The following ARHGEF3 variants were observed in gnomAD, a reference collection of about 807,000 sequenced individuals.
ARHGEF3 encodes Rho guanine nucleotide exchange factor 3.
In ARHGEF3, 28 loss-of-function variants were observed where a neutral mutation model predicts 63.2. That is an observed-to-expected ratio of 0.44 (90% confidence interval 0.33 to 0.61). The LOEUF (loss-of-function observed/expected upper bound fraction) is 0.61. ARHGEF3 is among the 20% of genes least tolerant of loss of function. ARHGEF3 has a pLI of 0.03. For synonymous variants in ARHGEF3, 266 were observed against 254.2 expected (o/e 1.05, Z -0.44); for missense variants, 533 against 659.3 (o/e 0.81, Z 2.10).
chr3:57,034,965 CT>C, intron 2 of ARHGEF3: 1 of 774,802 alleles, frequency 1.3e-6, no homozygotes, highest in South Asian at 2.1e-5. Flanking sequence ...CTAGCACTAT[CT>C]CCAAATTCTT....
At chr3:56,852,028 T>C (rs1422071374) in intron 4 of ARHGEF3, among the ~76,000 whole-genome samples, 2 of 152,224 alleles carry the variant, frequency 1.3e-5, no homozygotes, top group Non-Finnish European at 2.9e-5. Context: ...ATTTGGCCCT[T>C]GGAGCCTCTG....
intron 1 of ARHGEF3, chr3:56,774,997 T>TA: frequency 1.3e-6 from 2 of 1,519,336 alleles, no homozygotes; most frequent in Non-Finnish European, 1.8e-6. Flanking sequence ...AGAGAAGAGT[T>TA]ACCCTTGTCC....
chr3:56,916,932 T>G (rs114144397), intron 3 of ARHGEF3, among the ~76,000 whole-genome samples: 7 of 152,214 alleles, frequency 4.6e-5, no homozygotes, highest in Admixed American at 4.6e-4. Flanking sequence ...TATGCAAACC[T>G]GGCATCTTCT....
At chr3:56,858,471 C>T (rs924832894) in intron 4 of ARHGEF3, among the ~76,000 whole-genome samples, 8 of 152,154 alleles carry the variant, frequency 5.3e-5, no homozygotes, top group Non-Finnish European at 1.0e-4. Context: ...CCTACCAGTG[C>T]CTGCCAAGAT....
At position 56,739,044 on chromosome 3, in the gene ARHGEF3, G is replaced by A. The variant is rs542186149; in HGVS notation, c.871-1689C>T. Reference sequence around the variant, plus strand: ...TGGGAGGCAGAGGTTGCAGTGAGCCGAGATCACGCCACCGCACTTCAGCCT... The same window carrying A: ...TGGGAGGCAGAGGTTGCAGTGAGCCAAGATCACGCCACCGCACTTCAGCCT... On this transcript the variant is annotated intron_variant, in intron 7 of 9. Coordinates refer to ENST00000296315, the MANE Select transcript of ARHGEF3 (RefSeq NM_019555.3). Among the ~76,000 whole-genome samples the A allele has an allele frequency of 9.2e-5, 14 of 152,174 alleles. No individual in the cohort carries two copies. The South Asian group carries it at 1.7e-3, about 18-fold the overall frequency.
rs565350568 is a variant in ARHGEF3, at chr3:56,885,256, G to A, written c.130-2902C>T. Among the ~76,000 whole-genome samples the A allele has an allele frequency of 7.2e-5, 11 of 152,268 alleles. No homozygotes were observed. The South Asian group carries it at 2.3e-3, about 32-fold the overall frequency. ...CAGTATTATACCTGAGATCTTGGGA[G>A]GTATCAGGAGGAGGTTGAGACTCTG... On this transcript the variant is annotated intron_variant, in intron 3 of 12. Transcript: ENST00000338458.
intron 2 of ARHGEF3, among the ~76,000 whole-genome samples, chr3:56,970,863 G>A (rs1700879668): frequency 6.6e-6 from 1 of 152,318 alleles, no homozygotes; most frequent in African/African-American, 2.4e-5. Flanking sequence ...CCTGTGTAGC[G>A]CTGGACAAGT....
chr3:57,011,057 C>A (rs899068385), intron 2 of ARHGEF3, among the ~76,000 whole-genome samples: 1 of 152,164 alleles, frequency 6.6e-6, no homozygotes, highest in East Asian at 1.9e-4. Flanking sequence ...TGCTCCCGCC[C>A]GCTTCCATAG....
At chr3:56,933,279 G>C (rs183228955) in intron 3 of ARHGEF3, among the ~76,000 whole-genome samples, 3 of 152,176 alleles carry the variant, frequency 2.0e-5, no homozygotes, top group Admixed American at 1.3e-4. Context: ...TATGCAGCAG[G>C]AATGTCTTTT....
At chr3:57,050,382 T>C (rs961763549) in intron 1 of ARHGEF3, among the ~76,000 whole-genome samples, 9 of 152,266 alleles carry the variant, frequency 5.9e-5, no homozygotes, top group East Asian at 1.9e-4. Context: ...TAAATTGGGT[T>C]TCCTGCTTCC....
rs116174562 is a variant in ARHGEF3 at position 56,839,349 on chromosome 3, A to G, written c.192+42943T>C. On this transcript the variant is annotated intron_variant, in intron 4 of 12. Transcript: ENST00000338458. Reference sequence around the variant, plus strand: ...GTTTTGGGTTTTTTTGAATTTTTTTATTTTCATTTTATTTTATTTTACACT... The same window carrying G: ...GTTTTGGGTTTTTTTGAATTTTTTTGTTTTCATTTTATTTTATTTTACACT... Among the ~76,000 whole-genome samples, 649 of 151,736 alleles carry G rather than the reference A, an allele frequency of 4.3e-3. 7 individuals are homozygous for G. Among genetic ancestry groups the G allele is most frequent in the African/African-American group, 0.015 (611 of 41,350 alleles).
intron 1 of ARHGEF3, among the ~76,000 whole-genome samples, chr3:57,062,727 A>G (rs1033219330): frequency 5.9e-5 from 9 of 152,150 alleles, no homozygotes; most frequent in Non-Finnish European, 1.3e-4. Flanking sequence ...CACAACAAAC[A>G]TGCACACACA....
At chr3:56,885,147 T>C (rs1215354861) in intron 3 of ARHGEF3, among the ~76,000 whole-genome samples, 1 of 152,144 alleles carries the variant, frequency 6.6e-6, no homozygotes, top group African/African-American at 2.4e-5. Context: ...GGCAATGAAT[T>C]GGGGCATGGC....
chr3:56,744,429 A>C, intron 7 of ARHGEF3, among the ~76,000 whole-genome samples: 2 of 138,658 alleles, frequency 1.4e-5, no homozygotes, highest in Admixed American at 7.5e-5. Context: ...CAAGAGTCTC[A>C]CTCTGTTGCC....
At chr3:56,825,590 T>C in intron 4 of ARHGEF3, among the ~76,000 whole-genome samples, 1 of 152,346 alleles carries the variant, frequency 6.6e-6, no homozygotes, top group Non-Finnish European at 1.5e-5. Context: ...TTTTATTTTG[T>C]AATGCAGTTG....
At chr3:57,002,483 A>ATATATATATGTTATATATATATATGT (rs1702256305) in intron 2 of ARHGEF3, among the ~76,000 whole-genome samples, 1 of 40,684 alleles carries the variant, frequency 2.5e-5, no homozygotes, top group African/African-American at 1.1e-4. Context: ...TATATGTTAT[A>ATATATATATGTTATATATATATATGT]TATATATATA....
chr3:56,903,072 A>T (rs932397026), intron 3 of ARHGEF3, among the ~76,000 whole-genome samples: 1 of 57,392 alleles, frequency 1.7e-5, no homozygotes, highest in African/African-American at 4.5e-5. Context: ...CTAAACATAC[A>T]CACACACACA....
At chr3:56,804,592 G>A (rs1413026194), upstream of ARHGEF3, among the ~76,000 whole-genome samples, 2 of 152,182 alleles carry the variant, frequency 1.3e-5, no homozygotes, top group East Asian at 3.9e-4. Flanking sequence ...TGAATGGGTG[G>A]AGGTTCCAAC....
At chr3:57,000,775 C>T (rs1038631241) in intron 2 of ARHGEF3, among the ~76,000 whole-genome samples, 4 of 152,002 alleles carry the variant, frequency 2.6e-5, no homozygotes, top group Non-Finnish European at 4.4e-5. Context: ...TCAAGTGATC[C>T]ACCCGACTCA....
Sources: gnomAD v4.1 joint callset for allele counts (sites outside exome capture counted in the v4.1 genomes callset) on GRCh38, gnomAD v4.1.1 for gene constraint, MANE v1.5 for transcripts, NCBI Gene and HGNC (gene_info 2026-07-23, HGNC 2026-07-21) for gene names.